Variants in TUB observed in about 807,000 individuals in gnomAD.
TUB encodes tubby protein homolog.
TUB carries 33 observed loss-of-function variants against 59.7 expected under a neutral mutation model. The observed-to-expected ratio is 0.55, with a 90% CI of 0.42 to 0.74. The LOEUF is 0.74. Ranked by LOEUF, TUB falls within the 30% of genes least tolerant of loss-of-function variation. The probability of loss-of-function intolerance (pLI) is 0.00; values close to 1 mark genes in which losing one functional copy is unlikely to be tolerated. For synonymous variants in TUB, 293 were observed against 256.4 expected (o/e 1.14, Z -1.36); for missense variants, 659 against 672.0 (o/e 0.98, Z 0.21).
chr11:8,101,033 G>A (rs11607006), intron 11 of TUB, 36 bp downstream of exon 11: 7 of 1,612,184 alleles, frequency 4.3e-6, no homozygotes, highest in Non-Finnish European at 5.9e-6. Context: ...ATGGTCCGTA[G>A]GATACCCAAG....
intron 1 of TUB, among the ~76,000 whole-genome samples, chr11:8,083,877 G>A (rs1357145263): frequency 2.0e-5 from 3 of 152,202 alleles, no homozygotes; most frequent in Non-Finnish European, 4.4e-5. Flanking sequence ...CAAAGTACTG[G>A]AACTGGGGTG....
intron 2 of TUB, among the ~76,000 whole-genome samples, chr11:8,064,454 G>A (rs1440219875): frequency 1.3e-5 from 2 of 152,212 alleles, no homozygotes; most frequent in Admixed American, 6.5e-5. Flanking sequence ...TGCACCAAGA[G>A]TTTACCCAGT....
At chr11:8,081,647 A>C in intron 1 of TUB, 99 bp downstream of exon 1, 2 of 1,318,900 alleles carry the variant, frequency 1.5e-6, no homozygotes, top group Non-Finnish European at 2.0e-6. Context: ...TGCCCTCCCC[A>C]CCTATCCCAG....
At chr11:8,073,278 TGG>T (rs1943390634) in intron 2 of TUB, among the ~76,000 whole-genome samples, 4 of 152,150 alleles carry the variant, frequency 2.6e-5, no homozygotes, top group Non-Finnish European at 4.4e-5. Flanking sequence ...GGAAGGGCCA[TGG>T]AGCAAAAAGG....
At chr11:8,060,365 G>A (rs1332544589) in intron 2 of TUB, among the ~76,000 whole-genome samples, 1 of 152,190 alleles carries the variant, frequency 6.6e-6, no homozygotes. Flanking sequence ...GTTGGAGGAG[G>A]TCAGAACCAT....
intron 1 of TUB, among the ~76,000 whole-genome samples, chr11:8,029,654 G>A (rs946572374): frequency 2.6e-5 from 4 of 151,650 alleles, no homozygotes; most frequent in African/African-American, 9.8e-5. Flanking sequence ...CTCCCAAAGT[G>A]CTGGGATTAC....
chr11:8,081,952 G>GCC (rs1277167485), intron 1 of TUB, among the ~76,000 whole-genome samples: 6 of 152,304 alleles, frequency 3.9e-5, no homozygotes, highest in African/African-American at 1.4e-4. Flanking sequence ...GGCCAAAGAC[G>GCC]CTCCTGCTGG....
intron 5 of TUB, among the ~76,000 whole-genome samples, chr11:8,096,245 G>A (rs1330379114): frequency 6.6e-6 from 1 of 152,214 alleles, no homozygotes; most frequent in Admixed American, 6.5e-5. Flanking sequence ...TGAGGAAGGA[G>A]CTGAGGCCTG....
intron 2 of TUB, among the ~76,000 whole-genome samples, chr11:8,043,636 C>G (rs934632483): frequency 1.3e-5 from 2 of 152,088 alleles, no homozygotes; most frequent in African/African-American, 2.4e-5. Context: ...TATAATATTG[C>G]ACTTATTTTT....
chr11:8,071,830 G>A (rs751496480), intron 2 of TUB, among the ~76,000 whole-genome samples: 3 of 152,224 alleles, frequency 2.0e-5, no homozygotes, highest in Non-Finnish European at 4.4e-5. Context: ...CCCTCCCACT[G>A]GGGAAGAGAG....
At chr11:8,065,895 T>C (rs1943230171) in intron 2 of TUB, among the ~76,000 whole-genome samples, 1 of 152,220 alleles carries the variant, frequency 6.6e-6, no homozygotes, top group Admixed American at 6.5e-5. Flanking sequence ...CTGCACATAG[T>C]AGGAGGTCCA....
chr11:8,104,931 T>TG lies in TUB; in HGVS notation c.*3312_*3313insG, dbSNP rs965673703. 5.5e-4 allele frequency: 73 copies of TG among 133,026 alleles called. 4 individuals are homozygous for TG. The Middle Eastern group carries it at 0.016, about 30-fold the overall frequency. The allele number at this position is 133,026 out of a possible 1,614,324, so 8.2% of individuals were successfully genotyped here. On this transcript the variant is annotated 3_prime_UTR_variant, in exon 12 of 12. Transcript: ENST00000299506. ...ACAAAATTCTAGAAGCAGAAGGTTG[T>TG]TTTTTTTTTTTTTTCTCCATTCTGA...
intron 1 of TUB, among the ~76,000 whole-genome samples, chr11:8,021,832 C>A (rs954495196): frequency 6.0e-5 from 9 of 150,098 alleles, no homozygotes; most frequent in African/African-American, 2.2e-4. Flanking sequence ...AGGAGAATGG[C>A]GTGAACCCGG....
At position 8,090,147 on chromosome 11, in the gene TUB, C is replaced by G. The variant is rs1464132328; in HGVS notation, c.169C>G (p.Arg57Gly). ...GCAGGCCAATGCAGATGGGCGGCCC[C>G]GGAGCCGGCGGGCCCGGCAGTCAGA... Reference protein sequence around the residue: ...MVQANADGRPRSRRARQSEEQ... With the variant: ...MVQANADGRPGSRRARQSEEQ... Residue 57 changes from arginine to glycine, a missense_variant, in exon 3 of 12, where the codon CGG becomes GGG. This residue lies in a region of TUB where 321 missense variants were observed against 304.3 expected (regional missense o/e 1.05). Coordinates refer to ENST00000299506, the MANE Select transcript of TUB (RefSeq NM_177972.3). 2.5e-6 allele frequency: 4 copies of G among 1,613,606 alleles called. No homozygotes were observed. In the South Asian group the frequency reaches 4.4e-5, roughly 18 times the overall value.
At position 8,063,361 on chromosome 11, in the gene TUB, C is replaced by T. The variant is rs116519067; in HGVS notation, c.203+23669C>T. ...AAGTAAAATAAATGACCTTTAAAAC[C>T]CTCATAATTGACATGAAGTTTACTG... On this transcript the variant is annotated intron_variant, in intron 2 of 12. Coordinates refer to the TUB transcript ENST00000305253. 2.7e-3 allele frequency among the ~76,000 whole-genome samples: 406 copies of T among 152,236 alleles called. 4 individuals are homozygous for T. Among genetic ancestry groups the T allele is most frequent in the African/African-American group, 7.8e-3 (326 of 41,530 alleles).
rs988108811 is a variant in TUB at position 8,081,398 on chromosome 11, C to T, written c.-113C>T. ...GCGGGCCTCGGCGGGGCCCAGCGCCCCGGCCCGGGAGGATGCGGCCCGGGG... is the reference window on the plus strand; with the variant it reads ...GCGGGCCTCGGCGGGGCCCAGCGCCTCGGCCCGGGAGGATGCGGCCCGGGG... On this transcript the variant is annotated 5_prime_UTR_variant, in exon 1 of 12. Transcript: ENST00000299506. 1 of 1,018,290 alleles carries T rather than the reference C, an allele frequency of 9.8e-7. No individual in the cohort carries two copies. Among genetic ancestry groups the T allele is most frequent in the African/African-American group, 1.7e-5 (1 of 57,604 alleles). The allele number at this position is 1,018,290 out of a possible 1,614,324, so 63.1% of individuals were successfully genotyped here.
chr11:8,092,261 G>C (rs1943801328), intron 3 of TUB, among the ~76,000 whole-genome samples: 1 of 152,140 alleles, frequency 6.6e-6, no homozygotes, highest in Non-Finnish European at 1.5e-5. Context: ...GGGTAACATA[G>C]TGAGACCCCA....
At chr11:8,064,019 C>T (rs570200916) in intron 2 of TUB, among the ~76,000 whole-genome samples, 2 of 152,230 alleles carry the variant, frequency 1.3e-5, no homozygotes, top group East Asian at 1.9e-4. Context: ...CGTCATTTGT[C>T]CCACAGGGAT....
chr11:8,049,958 C>T (rs1278581866), intron 2 of TUB, among the ~76,000 whole-genome samples: 1 of 152,138 alleles, frequency 6.6e-6, no homozygotes, highest in East Asian at 1.9e-4. Flanking sequence ...ACAACATTTG[C>T]CAGCCCCCTA....
Sources: allele counts gnomAD v4.1 joint callset (sites outside exome capture counted in the v4.1 genomes callset), GRCh38; gene constraint gnomAD v4.1.1; regional missense constraint gnomAD v4.1.1; transcripts MANE v1.5; gene names NCBI Gene and HGNC (gene_info 2026-07-23, HGNC 2026-07-21).